The following PALLD variants were observed in gnomAD, a reference collection of about 807,000 sequenced individuals.
The protein encoded by PALLD is palladin, cytoskeletal associated protein, also known as palladin.
A neutral mutation model predicts 123.5 loss-of-function variants in PALLD; 61 were observed. The ratio of observed to expected loss-of-function variants is 0.49; its 90% CI spans 0.40 to 0.61. The LOEUF (loss-of-function observed/expected upper bound fraction) is 0.61. PALLD is among the 20% of genes least tolerant of loss of function. PALLD has a pLI of 0.00. For synonymous variants in PALLD, 465 were observed against 496.4 expected (o/e 0.94, Z 0.84); for missense variants, 1,273 against 1,377.0 (o/e 0.92, Z 1.20).
In PALLD at chr4:168,910,274, A is replaced by G. The variant is rs1347062800; in HGVS notation, c.2623-3653A>G. ...GAGGAAGAGGCAGGCTAAGCATATC[A>G]AGGATCTGTTTAGAGCTGAATAGGG... is the stretch of plus-strand genomic sequence containing the variant. On this transcript the variant is annotated intron_variant, in intron 15 of 21. Transcript: ENST00000505667. Among the ~76,000 whole-genome samples, 7 of 145,050 alleles carry G rather than the reference A, an allele frequency of 4.8e-5. No individual in the cohort carries two copies. In the Admixed American group the frequency reaches 5.0e-4, roughly 10 times the overall value.
chr4:168,754,309 A>G (rs1244972378), intron 10 of PALLD, among the ~76,000 whole-genome samples: 1 of 152,216 alleles, frequency 6.6e-6, no homozygotes, highest in Non-Finnish European at 1.5e-5. Flanking sequence ...TTACTTAGTT[A>G]AGATGATTAT....
rs1779851287 is a variant in PALLD, at chr4:168,668,304, C to T, written c.1023C>T (p.Arg341=). ...IAEAFEDDTG[R]YTCLATNPSG... ...AGGCCTTTGAGGACGACACAGGTCG[C>T]TACACCTGTTTGGCTACGAATCCCA... is the stretch of plus-strand genomic sequence containing the variant. The change falls in exon 3 of 22, where the codon CGC becomes CGT. Residue 341 remains arginine (R), a synonymous_variant. Coordinates refer to ENST00000505667, the MANE Select transcript of PALLD (RefSeq NM_001166108.2). The T allele has an allele frequency of 2.5e-6, 4 of 1,613,564 alleles. No homozygotes were observed. The highest frequency in any genetic ancestry group is 3.4e-6 in the Non-Finnish European group (4 of 1,179,680).
chr4:168,663,335 G>A (rs1401587931), intron 2 of PALLD, among the ~76,000 whole-genome samples: 2 of 152,330 alleles, frequency 1.3e-5, no homozygotes, highest in South Asian at 2.1e-4. Flanking sequence ...ATGTGGACAG[G>A]TGCCTTTGCC....
At chr4:168,513,578 C>T (rs911445145) in intron 2 of PALLD, among the ~76,000 whole-genome samples, 1 of 152,160 alleles carries the variant, frequency 6.6e-6, no homozygotes, top group Non-Finnish European at 1.5e-5. Flanking sequence ...CTACATCATT[C>T]TGTTTTATGA....
intron 6 of PALLD, among the ~76,000 whole-genome samples, chr4:168,690,383 C>T (rs1782503404): frequency 6.6e-6 from 1 of 152,202 alleles, no homozygotes; most frequent in Non-Finnish European, 1.5e-5. Context: ...GTACACTTTA[C>T]TCATTTTATG....
intron 10 of PALLD, among the ~76,000 whole-genome samples, chr4:168,770,102 A>T (rs1197735152): frequency 6.6e-6 from 1 of 152,180 alleles, no homozygotes; most frequent in African/African-American, 2.4e-5. Flanking sequence ...GTTGGGGGAG[A>T]GGGCAACATT....
At chr4:168,499,357 G>A (rs78097047) in intron 1 of PALLD, among the ~76,000 whole-genome samples, 8,348 of 87,228 alleles carry the variant, frequency 0.096, 420 homozygotes, top group Non-Finnish European at 0.13. Flanking sequence ...AGGGAGGGAG[G>A]GGGGAGGGAG....
At chr4:168,810,756 C>T (rs187957259) in intron 10 of PALLD, among the ~76,000 whole-genome samples, 1 of 150,034 alleles carries the variant, frequency 6.7e-6, no homozygotes, top group Admixed American at 6.7e-5. Flanking sequence ...TGCAGTGAGC[C>T]GAGATTGCGC....
intron 8 of PALLD, among the ~76,000 whole-genome samples, chr4:168,697,464 A>G (rs767990355): frequency 2.0e-5 from 3 of 152,236 alleles, no homozygotes; most frequent in South Asian, 2.1e-4. Context: ...GACAAATGCA[A>G]TGAGGCTTTC....
At chr4:168,589,224 G>A (rs538618100) in intron 2 of PALLD, among the ~76,000 whole-genome samples, 4 of 152,152 alleles carry the variant, frequency 2.6e-5, no homozygotes, top group African/African-American at 4.8e-5. Context: ...TCTGATCCAC[G>A]TCTGATCTAA....
Position 168,869,807 on chromosome 4 carries a change from TAGAG to T in PALLD, c.1965-21111_1965-21108del, listed in dbSNP as rs150697690. On this transcript the variant is annotated intron_variant, in intron 10 of 21. Coordinates refer to ENST00000505667, the MANE Select transcript of PALLD (RefSeq NM_001166108.2). This position sits in a 1 kb window ranked among gnomAD's most constrained non-coding sequence, Gnocchi z 4.5. The stretch of plus-strand genomic sequence containing the variant: ...TGGAATTCAGGACTGAGGGCTGGGT[TAGAG>T]AGATCAGGGAGTGAGAGTGATGCAG... 4.1e-3 allele frequency among the ~76,000 whole-genome samples: 631 copies of T among 152,252 alleles called. 6 individuals are homozygous for T. Among genetic ancestry groups the T allele is most frequent in the African/African-American group, 0.015 (605 of 41,560 alleles).
At chr4:168,689,303 A>C (rs1318604867) in intron 6 of PALLD, among the ~76,000 whole-genome samples, 1 of 152,172 alleles carries the variant, frequency 6.6e-6, no homozygotes, top group Non-Finnish European at 1.5e-5. Flanking sequence ...TTAAACACAC[A>C]TGCATACAAA....
chr4:168,901,912 A>T (rs967917881), intron 14 of PALLD, among the ~76,000 whole-genome samples: 5 of 152,222 alleles, frequency 3.3e-5, no homozygotes, highest in African/African-American at 1.2e-4. Flanking sequence ...ATGATACTTT[A>T]CATAATTTAA....
chr4:168,676,541 T>A (rs867287084), intron 3 of PALLD, among the ~76,000 whole-genome samples: 1 of 148,844 alleles, frequency 6.7e-6, no homozygotes, highest in African/African-American at 2.4e-5. Flanking sequence ...TTTTTATATG[T>A]TTATATATTT....
chr4:168,556,699 A>C (rs908587954), intron 2 of PALLD, among the ~76,000 whole-genome samples: 11 of 152,218 alleles, frequency 7.2e-5, no homozygotes, highest in African/African-American at 2.7e-4. Context: ...ATCAGTCTTA[A>C]CATCTTAATT....
At chr4:168,681,476 C>T (rs1458374972) in intron 4 of PALLD, 78 bp downstream of exon 4, 12 of 932,160 alleles carry the variant, frequency 1.3e-5, no homozygotes, top group Non-Finnish European at 7.0e-6. Context: ...ACCATGTTTG[C>T]TGTGCTTTGA....
intron 2 of PALLD, among the ~76,000 whole-genome samples, chr4:168,593,409 T>G (rs568357355): frequency 5.6e-4 from 79 of 140,178 alleles, no homozygotes; most frequent in African/African-American, 1.8e-3. Flanking sequence ...AGTACTTTGT[T>G]TAGTAAAGAC....
chr4:168,749,112 T>C (rs1210068965), intron 10 of PALLD, among the ~76,000 whole-genome samples: 1 of 151,982 alleles, frequency 6.6e-6, no homozygotes, highest in East Asian at 1.9e-4. Flanking sequence ...GTCAGTGAGT[T>C]CTCGTTAAAA....
At position 168,832,467 on chromosome 4, in the gene PALLD, C is replaced by T. The variant is rs6843516; in HGVS notation, c.1965-58455C>T. On this transcript the variant is annotated intron_variant, in intron 10 of 21. Transcript: ENST00000505667. ...GCTCTGCTGCCACGGACGATCCCTC[C>T]CGCTCTCCTAACTCTTCTCTGAACA... 4.1e-3 allele frequency among the ~76,000 whole-genome samples: 629 copies of T among 152,256 alleles called. 1 individual carries two copies. The highest frequency in any genetic ancestry group is 0.014 in the African/African-American group (597 of 41,550).
Sources: allele counts gnomAD v4.1 joint callset (sites outside exome capture counted in the v4.1 genomes callset), GRCh38; gene constraint gnomAD v4.1.1; non-coding constraint Gnocchi (gnomAD v3.1); transcripts MANE v1.5; gene names NCBI Gene and HGNC (gene_info 2026-07-23, HGNC 2026-07-21).